Variants in BBOF1 observed in about 807,000 individuals in gnomAD.
BBOF1 encodes the protein basal body orientation factor 1.
In BBOF1, 62 loss-of-function variants were observed where a neutral mutation model predicts 68.0. The observed-to-expected ratio is 0.91, with a 90% CI of 0.74 to 1.13. The LOEUF (loss-of-function observed/expected upper bound fraction) is 1.13. BBOF1 is among the 50% of genes most tolerant of loss of function. The pLI, the probability that BBOF1 is intolerant of heterozygous loss-of-function variation, is 0.00. For synonymous variants in BBOF1, 208 were observed against 198.8 expected (o/e 1.05, Z -0.39); for missense variants, 534 against 600.1 (o/e 0.89, Z 1.15).
chr14:74,049,269 G>A (rs1341736414), intron 7 of BBOF1, among the ~76,000 whole-genome samples: 1 of 152,048 alleles, frequency 6.6e-6, no homozygotes, highest in Non-Finnish European at 1.5e-5. Flanking sequence ...ACCCTAGGAT[G>A]TTTGTTACTC....
intron 2 of BBOF1, among the ~76,000 whole-genome samples, chr14:74,026,753 T>A (rs2059438192): frequency 6.6e-6 from 1 of 151,702 alleles, no homozygotes. Flanking sequence ...GGCAGAACCC[T>A]GTCTCTACTA....
rs1007827552 is a variant in BBOF1, at chr14:74,047,805, A to G, written c.648-125A>G. On this transcript the variant is annotated intron_variant, in intron 6 of 11. Transcript: ENST00000394009. ...CCCACATAACTACTGAGTACCCACCATAAGCTAAATAGGTGGTAGTCACTA... is the reference window on the plus strand; with the variant it reads ...CCCACATAACTACTGAGTACCCACCGTAAGCTAAATAGGTGGTAGTCACTA... The G allele has an allele frequency of 1.5e-5, 12 of 783,022 alleles. No homozygotes were observed. The South Asian group carries it at 2.6e-4, about 17-fold the overall frequency. The allele number at this position is 783,022 out of a possible 1,614,324, so 48.5% of individuals were successfully genotyped here.
At chr14:74,060,375 G>A in intron 11 of BBOF1, 1 of 420,030 alleles carries the variant, frequency 2.4e-6, no homozygotes, top group South Asian at 2.4e-5. Context: ...TAGAAATCAG[G>A]TTTAAGCACT....
At chr14:74,060,157 C>T in intron 11 of BBOF1, 4 of 156,010 alleles carry the variant, frequency 2.6e-5, no homozygotes, top group Non-Finnish European at 5.7e-5. Context: ...ATTTTTTTTC[C>T]CTTTTCTTTT....
At chr14:74,033,808 G>A (rs539086384) in intron 3 of BBOF1, among the ~76,000 whole-genome samples, 7 of 152,146 alleles carry the variant, frequency 4.6e-5, no homozygotes, top group Admixed American at 4.6e-4. Context: ...GGAGCTTGCC[G>A]TGAGCCAAGA....
intron 11 of BBOF1, among the ~76,000 whole-genome samples, chr14:74,061,853 T>C (rs1488947061): frequency 1.3e-5 from 2 of 152,050 alleles, no homozygotes; most frequent in Non-Finnish European, 2.9e-5. Flanking sequence ...CTAACACTTA[T>C]ATAATTACTA....
chr14:74,041,610 T>C (rs1595054457), intron 5 of BBOF1, among the ~76,000 whole-genome samples: 1 of 152,026 alleles, frequency 6.6e-6, no homozygotes, highest in African/African-American at 2.4e-5. Flanking sequence ...AGTGCAGTGG[T>C]TCAGTCACAG....
chr14:74,021,588 C>CA (rs111912208), intron 1 of BBOF1, among the ~76,000 whole-genome samples: 2,048 of 117,554 alleles, frequency 0.017, 14 homozygotes, highest in Non-Finnish European at 0.026. Flanking sequence ...GATCTTGTTT[C>CA]AAAAAAAAAA....
rs757052739 is a variant in BBOF1 at position 74,049,884 on chromosome 14, G to A, written c.975G>A (p.Gln325=). The A allele has an allele frequency of 2.9e-5, 47 of 1,614,028 alleles. No individual in the cohort carries two copies. Among genetic ancestry groups the A allele is most frequent in the Middle Eastern group, 3.3e-4 (2 of 6,084 alleles). Reference sequence around the variant, plus strand: ...CAATGATAGAGAACCAAGCAGGTCAGGTAGAAATTGACAAGCTGCAGCACC... The same window carrying A: ...CAATGATAGAGAACCAAGCAGGTCAAGTAGAAATTGACAAGCTGCAGCACC... ...QHAMIENQAG[Q]VEIDKLQHLL... Residue 325 remains glutamine, a synonymous_variant, in exon 8 of 12, where the codon CAG becomes CAA. Transcript: ENST00000394009.
In BBOF1 at chr14:74,023,102, A is replaced by G; in HGVS notation, c.243A>G (p.Val81=). Residue 81 remains valine, a synonymous_variant, in exon 2 of 12, where the codon GTA becomes GTG. Coordinates refer to ENST00000394009, the MANE Select transcript of BBOF1 (RefSeq NM_025057.3). ...AAATGGAGAAAGACATAATGTCAGT[A>G]TTAAGTTACCTGAAGAAGCAGGATC... ...QCKMEKDIMS[V]LSYLKKQDQE... The G allele has an allele frequency of 6.3e-7, 1 of 1,596,504 alleles. No individual in the cohort carries two copies. Among genetic ancestry groups the G allele is most frequent in the African/African-American group, 1.3e-5 (1 of 74,842 alleles).
intron 2 of BBOF1, among the ~76,000 whole-genome samples, chr14:74,024,500 C>T (rs2059380810): frequency 6.6e-6 from 1 of 152,106 alleles, no homozygotes; most frequent in Admixed American, 6.5e-5. Context: ...GGGTCTCTCT[C>T]TATTGCCTGG....
intron 4 of BBOF1, among the ~76,000 whole-genome samples, chr14:74,037,139 A>AT (rs1454776346): frequency 2.7e-5 from 4 of 148,956 alleles, no homozygotes; most frequent in African/African-American, 9.9e-5. Context: ...TGCCCGGCTA[A>AT]TTTTTTGTAT....
At chr14:74,037,942 C>T (rs189794483) in intron 4 of BBOF1, among the ~76,000 whole-genome samples, 6 of 148,896 alleles carry the variant, frequency 4.0e-5, no homozygotes, top group South Asian at 2.1e-4. Flanking sequence ...GCAACAAGAG[C>T]GAAACTCTGT....
chr14:74,030,283 C>T (rs2059534982), intron 3 of BBOF1, among the ~76,000 whole-genome samples: 2 of 151,830 alleles, frequency 1.3e-5, no homozygotes, highest in African/African-American at 2.4e-5. Flanking sequence ...CAACTTCTGA[C>T]CTCAAGCAGT....
chr14:74,071,337 A>G, intron 9 of BBOF1: 2 of 1,614,214 alleles, frequency 1.2e-6, no homozygotes, highest in Non-Finnish European at 1.7e-6. Context: ...TGGCCATGGG[A>G]AACATCCAAA....
At chr14:74,025,515 T>A (rs909303337) in intron 2 of BBOF1, among the ~76,000 whole-genome samples, 31 of 152,200 alleles carry the variant, frequency 2.0e-4, no homozygotes, top group Admixed American at 3.9e-4. Flanking sequence ...AGAAATGAAA[T>A]GTGTTTTGAA....
At chr14:74,042,601 A>G (rs978086909) in intron 5 of BBOF1, among the ~76,000 whole-genome samples, 2 of 152,126 alleles carry the variant, frequency 1.3e-5, no homozygotes, top group African/African-American at 2.4e-5. Flanking sequence ...AGCCATAACA[A>G]CTTTCCCAGA....
In BBOF1 at chr14:74,065,831, T is replaced by C. The variant is rs7154980; in HGVS notation, c.*1132T>C. 1,760 of 172,998 alleles carry C rather than the reference T, an allele frequency of 0.01. 19 individuals carry two copies. Among genetic ancestry groups the C allele is most frequent in the Middle Eastern group, 0.033 (11 of 336 alleles). 10.7% of individuals were successfully genotyped at this position (172,998 alleles called of 1,614,324 possible). On this transcript the variant is annotated 3_prime_UTR_variant, in exon 12 of 12. Transcript: ENST00000394009. Reference sequence around the variant, plus strand: ...CCTTTGCCTCCCAAATATGTCTGTATGTTTATATTTTGATATCAGGTCGCA... The same window carrying C: ...CCTTTGCCTCCCAAATATGTCTGTACGTTTATATTTTGATATCAGGTCGCA...
chr14:74,078,360 C>CT (rs201196501), intron 10 of BBOF1: 6,725 of 329,922 alleles, frequency 0.02, no homozygotes, highest in Non-Finnish European at 0.025. Context: ...GAGGTATATA[C>CT]TTTTTTTTTT....
Sources: allele counts gnomAD v4.1 joint callset (sites outside exome capture counted in the v4.1 genomes callset), GRCh38; gene constraint gnomAD v4.1.1; transcripts MANE v1.5; gene names NCBI Gene and HGNC (gene_info 2026-07-23, HGNC 2026-07-21).